RTN4RL1: variants seen among roughly 807,000 people sequenced by gnomAD.
RTN4RL1 encodes the protein reticulon 4 receptor like 1, also known as reticulon-4 receptor-like 1.
In RTN4RL1, 7 loss-of-function variants were observed where a neutral mutation model predicts 25.6. That is an observed-to-expected ratio of 0.27 (90% CI 0.16 to 0.51). RTN4RL1 has a LOEUF of 0.51. RTN4RL1 is among the 20% of genes least tolerant of loss of function. RTN4RL1 has a pLI of 0.97. For synonymous variants in RTN4RL1, 297 were observed against 288.2 expected (o/e 1.03, Z -0.31); for missense variants, 500 against 615.6 (o/e 0.81, Z 1.99).
At chr17:1,982,760 T>C (rs957215581) in intron 1 of RTN4RL1, among the ~76,000 whole-genome samples, 2 of 152,246 alleles carry the variant, frequency 1.3e-5, no homozygotes, top group African/African-American at 4.8e-5. Context: ...TCCAGGTTGC[T>C]GGGTAACCCT....
At chr17:2,006,927 C>CT in intron 1 of RTN4RL1, among the ~76,000 whole-genome samples, 1 of 152,090 alleles carries the variant, frequency 6.6e-6, no homozygotes, top group Admixed American at 6.5e-5. Flanking sequence ...CCGGCCTTTT[C>CT]TTTTTTTTAA....
At chr17:1,986,167 G>A (rs1284949386) in intron 1 of RTN4RL1, among the ~76,000 whole-genome samples, 2 of 152,150 alleles carry the variant, frequency 1.3e-5, no homozygotes, top group Non-Finnish European at 2.9e-5. Context: ...GGGGTCCACA[G>A]AGTCATAATA....
intron 1 of RTN4RL1, among the ~76,000 whole-genome samples, chr17:1,987,515 G>A (rs1291971890): frequency 1.3e-5 from 2 of 152,136 alleles, no homozygotes; most frequent in African/African-American, 4.8e-5. Context: ...ACCTGAGGAC[G>A]AGGCTGTCTG....
rs1390626961 is a variant in RTN4RL1, at chr17:1,998,864, C to T, written c.13+25989G>A. 6.6e-6 allele frequency among the ~76,000 whole-genome samples: 1 copy of T among 151,850 alleles called. No individual in the cohort carries two copies. Among genetic ancestry groups the T allele is most frequent in the Non-Finnish European group, 1.5e-5 (1 of 67,994 alleles). ...GCACTTTCCCGGCAGCCGAAGACGA[C>T]CCCGGAGCCCCTTTATTCTCTACGC... On this transcript the variant is annotated intron_variant, in intron 1 of 1. Coordinates refer to ENST00000331238, the MANE Select transcript of RTN4RL1 (RefSeq NM_178568.4). This position sits in a 1 kb window ranked among gnomAD's most constrained non-coding sequence, Gnocchi z 4.9.
intron 1 of RTN4RL1, among the ~76,000 whole-genome samples, chr17:1,965,850 G>T (rs1470641713): frequency 7.2e-5 from 11 of 152,136 alleles, no homozygotes; most frequent in African/African-American, 2.4e-4. Context: ...ATAGCAAAAG[G>T]CCATGTGCCT....
Position 1,936,737 on chromosome 17 carries a change from C to T in RTN4RL1, c.1085G>A (p.Arg362His), listed in dbSNP as rs752222188. 9.4e-6 allele frequency: 15 copies of T among 1,594,994 alleles called. No homozygotes were observed. Among genetic ancestry groups the T allele is most frequent in the East Asian group, 2.2e-5 (1 of 44,750 alleles). ...GGCGCCCGCCTTAGAGATCTGATTGCGGTTCCTGGGGTTGGTGCAGTTCTT... is the reference window on the plus strand; with the variant it reads ...GGCGCCCGCCTTAGAGATCTGATTGTGGTTCCTGGGGTTGGTGCAGTTCTT... Reference protein sequence around the residue: ...PGKNCTNPRNRNQISKAGAGK... With the variant: ...PGKNCTNPRNHNQISKAGAGK... The change falls in exon 2 of 2, where the codon CGC becomes CAC. Residue 362 changes from arginine to histidine, a missense_variant. Physicochemically the swap from Arg to His is conservative, Grantham distance 29. Coordinates refer to ENST00000331238, the MANE Select transcript of RTN4RL1 (RefSeq NM_178568.4).
chr17:2,013,799 A>G (rs9897502), intron 1 of RTN4RL1, among the ~76,000 whole-genome samples: 2 of 86,240 alleles, frequency 2.3e-5, no homozygotes, highest in Non-Finnish European at 5.0e-5. Flanking sequence ...TAAATACCCC[A>G]GCTCCCTCAC....
intron 1 of RTN4RL1, among the ~76,000 whole-genome samples, chr17:1,983,746 T>A (rs374838687): frequency 6.6e-6 from 1 of 151,776 alleles, no homozygotes; most frequent in East Asian, 1.9e-4. Context: ...TTACCCAGTG[T>A]GTCCAGGATG....
chr17:2,023,217 C>G (rs916627307), intron 1 of RTN4RL1, among the ~76,000 whole-genome samples: 1 of 152,294 alleles, frequency 6.6e-6, no homozygotes, highest in Non-Finnish European at 1.5e-5. Context: ...TTTGCACGCT[C>G]CAGGCCCAAG....
At chr17:2,008,627 C>A (rs1234561939) in intron 1 of RTN4RL1, among the ~76,000 whole-genome samples, 1 of 152,112 alleles carries the variant, frequency 6.6e-6, no homozygotes, top group Admixed American at 6.6e-5. Flanking sequence ...GTCAACCAAC[C>A]TCCTCCTCCC....
At position 1,935,474 on chromosome 17, in the gene RTN4RL1, C is replaced by G; in HGVS notation, c.*1022G>C. 1 of 857,520 alleles carries G rather than the reference C, an allele frequency of 1.2e-6. No individual in the cohort carries two copies. The highest frequency in any genetic ancestry group is 1.4e-6 in the Non-Finnish European group (1 of 712,990). 53.1% of individuals were successfully genotyped at this position (857,520 alleles called of 1,614,324 possible). A position where few individuals can be genotyped will look rare whatever the true frequency, so the allele number is the denominator to read the frequency against. On this transcript the variant is annotated 3_prime_UTR_variant, in exon 2 of 2. Coordinates refer to ENST00000331238, the MANE Select transcript of RTN4RL1 (RefSeq NM_178568.4). ...TATTGGTCCCCCAAAGTGACTCTTG[C>G]TGCCTCCCCCTTCCTCACCGTCCCG...
chr17:1,995,243 T>G (rs2066924266), intron 1 of RTN4RL1, among the ~76,000 whole-genome samples: 1 of 152,090 alleles, frequency 6.6e-6, no homozygotes, highest in Non-Finnish European at 1.5e-5. Flanking sequence ...CTGGCCAACA[T>G]GGTGAAACAC....
chr17:1,941,162 T>G (rs998422684), intron 1 of RTN4RL1, among the ~76,000 whole-genome samples: 1 of 152,166 alleles, frequency 6.6e-6, no homozygotes, highest in Non-Finnish European at 1.5e-5. Flanking sequence ...AGGTCCAGGA[T>G]GCAGTTCTCT....
intron 1 of RTN4RL1, among the ~76,000 whole-genome samples, chr17:2,018,372 G>A (rs912978827): frequency 6.6e-6 from 1 of 152,238 alleles, no homozygotes. Flanking sequence ...GGAGACAGAG[G>A]TGAGGACTGT....
At chr17:2,011,793 C>T (rs59112661) in intron 1 of RTN4RL1, among the ~76,000 whole-genome samples, 3,751 of 152,246 alleles carry the variant, frequency 0.025, 142 homozygotes, top group African/African-American at 0.083. Context: ...GCCACAATCT[C>T]AAGGCAGCCC....
At chr17:1,985,026 C>T (rs73290086) in intron 1 of RTN4RL1, among the ~76,000 whole-genome samples, 2,639 of 152,220 alleles carry the variant, frequency 0.017, 74 homozygotes, top group African/African-American at 0.06. Context: ...CTGAACACCC[C>T]GTTATATGCG....
chr17:1,964,217 A>T (rs1012979098), intron 1 of RTN4RL1, among the ~76,000 whole-genome samples: 1 of 152,204 alleles, frequency 6.6e-6, no homozygotes, highest in African/African-American at 2.4e-5. Flanking sequence ...AAAGAATAAA[A>T]ATACCTCATG....
chr17:1,981,277 A>T (rs1331411368), intron 1 of RTN4RL1, among the ~76,000 whole-genome samples: 2 of 152,152 alleles, frequency 1.3e-5, no homozygotes, highest in Non-Finnish European at 2.9e-5. Flanking sequence ...GCTACCTGGG[A>T]GGCTGAGGAG....
intron 1 of RTN4RL1, among the ~76,000 whole-genome samples, chr17:1,949,111 G>A (rs1301371834): frequency 1.3e-5 from 2 of 151,838 alleles, no homozygotes; most frequent in East Asian, 1.9e-4. Flanking sequence ...CGCCTGCCAC[G>A]ACACCTGGCT....
Sources: gnomAD v4.1 joint callset for allele counts (sites outside exome capture counted in the v4.1 genomes callset) on GRCh38, gnomAD v4.1.1 for gene constraint, Gnocchi (gnomAD v3.1) non-coding constraint, MANE v1.5 for transcripts, NCBI Gene and HGNC (gene_info 2026-07-23, HGNC 2026-07-21) for gene names.